PIK3C2G: variants seen among roughly 807,000 people sequenced by gnomAD.
PIK3C2G encodes the protein phosphatidylinositol 3-kinase C2 domain-containing subunit gamma.
In PIK3C2G, 168 loss-of-function variants were observed where a neutral mutation model predicts 181.1. The observed-to-expected ratio is 0.93, with a 90% CI of 0.82 to 1.05. The LOEUF (loss-of-function observed/expected upper bound fraction) is 1.05, where lower values mean the gene tolerates loss of function less well. Among genes scored for constraint, PIK3C2G ranks in the 50% least tolerant of loss-of-function variants. PIK3C2G has a pLI of 0.00. For synonymous variants in PIK3C2G, 573 were observed against 592.2 expected, an observed-to-expected ratio of 0.97 and a Z score of 0.47; for missense variants, 1,869 against 1,732.8, an observed-to-expected ratio of 1.08 and a Z score of -1.40.
chr12:18,684,816 G>A, the PIK3C2G span, among the ~76,000 whole-genome samples: 2 of 151,960 alleles, frequency 1.3e-5, no homozygotes, highest in South Asian at 4.1e-4. Context: ...AGGTGTTTAG[G>A]AAGACACCTG....
intron 14 of PIK3C2G, among the ~76,000 whole-genome samples, chr12:18,387,484 T>C (rs572893891): frequency 3.9e-4 from 59 of 152,264 alleles, no homozygotes; most frequent in Non-Finnish European, 7.8e-4. Context: ...TTTCACCTTA[T>C]GTGAATTTAT....
chr12:18,696,350 A>C, the PIK3C2G span: 8 of 247,368 alleles, frequency 3.2e-5, 1 homozygote, highest in South Asian at 2.0e-4. Flanking sequence ...ATATATATAT[A>C]TCATATAATT....
intron 1 of PIK3C2G, among the ~76,000 whole-genome samples, chr12:18,274,863 A>G (rs1458320920): frequency 2.0e-5 from 3 of 152,172 alleles, no homozygotes; most frequent in Non-Finnish European, 4.4e-5. Context: ...AAGTTGAACT[A>G]CGTATATGTT....
At chr12:18,301,261 T>C (rs1305528797) in intron 5 of PIK3C2G, among the ~76,000 whole-genome samples, 1 of 152,168 alleles carries the variant, frequency 6.6e-6, no homozygotes, top group Non-Finnish European at 1.5e-5. Context: ...CTAGCAAAAC[T>C]TGGGAAGTTT....
At chr12:18,665,324 A>G in the PIK3C2G span, among the ~76,000 whole-genome samples, 1 of 152,080 alleles carries the variant, frequency 6.6e-6, no homozygotes, top group African/African-American at 2.4e-5. Context: ...TAGTTGTAGA[A>G]TGAGAATGTA....
chr12:18,445,225 C>A (rs1487981487), intron 18 of PIK3C2G, among the ~76,000 whole-genome samples: 1 of 151,990 alleles, frequency 6.6e-6, no homozygotes, highest in Non-Finnish European at 1.5e-5. Flanking sequence ...TGTATATCAT[C>A]TTTTCAGTGG....
intron 30 of PIK3C2G, among the ~76,000 whole-genome samples, chr12:18,602,567 G>A (rs1947792873): frequency 6.6e-6 from 1 of 151,962 alleles, no homozygotes; most frequent in African/African-American, 2.4e-5. Flanking sequence ...CTGACAGGAG[G>A]CCATCAGCAC....
At chr12:18,429,639 C>T (rs181010378) in intron 18 of PIK3C2G, among the ~76,000 whole-genome samples, 55 of 152,298 alleles carry the variant, frequency 3.6e-4, no homozygotes, top group Non-Finnish European at 6.6e-4. Flanking sequence ...AATCATGTCA[C>T]ACTCTTCCAT....
intron 12 of PIK3C2G, chr12:18,363,191 G>C: frequency 5.9e-6 from 1 of 170,574 alleles, no homozygotes. Context: ...TGCTCTCTTT[G>C]AGGCAGGAGT....
At chr12:18,379,554 C>G (rs928224304) in intron 13 of PIK3C2G, among the ~76,000 whole-genome samples, 8 of 152,212 alleles carry the variant, frequency 5.3e-5, no homozygotes, top group Non-Finnish European at 8.8e-5. Flanking sequence ...TTCTCACACC[C>G]TGGCTCTCTT....
chr12:18,252,178 T>C (rs1303479134), intron 1 of PIK3C2G, among the ~76,000 whole-genome samples: 2 of 152,174 alleles, frequency 1.3e-5, no homozygotes, highest in Non-Finnish European at 2.9e-5. Context: ...TAACAACTTA[T>C]GTACAGGATA....
intron 18 of PIK3C2G, among the ~76,000 whole-genome samples, chr12:18,425,939 A>C (rs537695275): frequency 7.9e-5 from 12 of 152,288 alleles, no homozygotes; most frequent in African/African-American, 2.9e-4. Context: ...TAATTGGATA[A>C]ATAACTTGAA....
intron 30 of PIK3C2G, among the ~76,000 whole-genome samples, chr12:18,604,252 T>C (rs140937809): frequency 0.011 from 1,642 of 152,242 alleles, 26 homozygotes; most frequent in African/African-American, 0.037. Context: ...TATTCTTATA[T>C]CAGACAAAAC....
chr12:18,688,172 T>C, the PIK3C2G span: 3 of 1,610,922 alleles, frequency 1.9e-6, no homozygotes, highest in Non-Finnish European at 2.5e-6. Context: ...TGAATCACCT[T>C]TGTTAGATGA....
chr12:18,278,457 G>T (rs539310809), intron 1 of PIK3C2G, among the ~76,000 whole-genome samples: 3 of 152,122 alleles, frequency 2.0e-5, no homozygotes, highest in Non-Finnish European at 2.9e-5. Context: ...CTATTTTAAG[G>T]TCAGCTAATT....
chr12:18,531,357 A>G (rs1943545235), intron 24 of PIK3C2G, among the ~76,000 whole-genome samples: 1 of 152,218 alleles, frequency 6.6e-6, no homozygotes, highest in South Asian at 2.1e-4. Context: ...GTAATAAATA[A>G]TACAAAGAGA....
chr12:18,609,670 T>C, intron 31 of PIK3C2G, 41 bp downstream of exon 31: 1 of 1,243,854 alleles, frequency 8.0e-7, no homozygotes, highest in Non-Finnish European at 1.1e-6. Flanking sequence ...TAAGCCTACA[T>C]CCAGAAATCA....
chr12:18,282,486 T>A lies in PIK3C2G; in HGVS notation c.405T>A (p.Gly135=). ...GAAGCCCCATAGGAAAACATCATGGTGCTGATGATTCCAGATTCAGTATTT... is the reference window on the plus strand; with the variant it reads ...GAAGCCCCATAGGAAAACATCATGGAGCTGATGATTCCAGATTCAGTATTT... ...SWGSPIGKHH[G]ADDSRFSILA... is the part of the protein sequence containing the mutation. Residue 135 remains glycine, a synonymous_variant, in exon 2 of 33, where the codon GGT becomes GGA. Transcript: ENST00000538779. 1 of 1,612,930 alleles carries A rather than the reference T, an allele frequency of 6.2e-7. No individual in the cohort carries two copies. The highest frequency in any genetic ancestry group is 8.5e-7 in the Non-Finnish European group (1 of 1,179,228).
chr12:18,316,404 G>A (rs1950864143), intron 6 of PIK3C2G, among the ~76,000 whole-genome samples: 1 of 152,072 alleles, frequency 6.6e-6, no homozygotes, highest in South Asian at 2.1e-4. Context: ...GTTATCTCTG[G>A]GTGTATAATG....
Sources: allele counts gnomAD v4.1 joint callset (sites outside exome capture counted in the v4.1 genomes callset), GRCh38; gene constraint gnomAD v4.1.1; transcripts MANE v1.5; gene names NCBI Gene and HGNC (gene_info 2026-07-23, HGNC 2026-07-21).